The following NKAIN2 variants were observed in gnomAD, a reference collection of about 807,000 sequenced individuals.
NKAIN2 encodes the protein sodium/potassium transporting ATPase interacting 2.
A neutral mutation model predicts 32.6 loss-of-function variants in NKAIN2; 14 were observed. The ratio of observed to expected loss-of-function variants is 0.43; its 90% CI spans 0.28 to 0.67. The LOEUF is 0.67. Ranked by LOEUF, NKAIN2 falls within the 30% of genes least tolerant of loss-of-function variation. NKAIN2 has a pLI of 0.17. For synonymous variants in NKAIN2, 80 were observed against 87.2 expected, an observed-to-expected ratio of 0.92 and a Z score of 0.46; for missense variants, 198 against 258.3, an observed-to-expected ratio of 0.77 and a Z score of 1.60.
intron 1 of NKAIN2, among the ~76,000 whole-genome samples, chr6:124,280,334 A>G (rs796435882): frequency 1.8e-4 from 28 of 152,334 alleles, no homozygotes; most frequent in African/African-American, 6.3e-4. Context: ...GAAGTAGCAT[A>G]TATTATATAA....
intron 1 of NKAIN2, among the ~76,000 whole-genome samples, chr6:123,883,619 C>G (rs1474794147): frequency 1.3e-5 from 2 of 150,002 alleles, no homozygotes; most frequent in Admixed American, 6.7e-5. Context: ...TTCAGAACCA[C>G]TAGCCAATTA....
intron 1 of NKAIN2, among the ~76,000 whole-genome samples, chr6:124,244,972 G>A (rs1441446438): frequency 6.6e-6 from 1 of 151,940 alleles, no homozygotes; most frequent in East Asian, 1.9e-4. Context: ...CCACAACTCA[G>A]CCACTTATAT....
intron 4 of NKAIN2, among the ~76,000 whole-genome samples, chr6:124,766,109 T>C (rs908104166): frequency 6.6e-6 from 1 of 152,212 alleles, no homozygotes; most frequent in African/African-American, 2.4e-5. Context: ...CTTTATTTTA[T>C]AAAACACACA....
At chr6:124,073,396 T>C (rs903322937) in intron 1 of NKAIN2, among the ~76,000 whole-genome samples, 2 of 152,248 alleles carry the variant, frequency 1.3e-5, no homozygotes, top group Non-Finnish European at 2.9e-5. Context: ...GAATGTCTTA[T>C]AACTTCTGAT....
At chr6:124,553,158 G>A (rs1473885195) in intron 3 of NKAIN2, among the ~76,000 whole-genome samples, 1 of 152,090 alleles carries the variant, frequency 6.6e-6, no homozygotes, top group Non-Finnish European at 1.5e-5. Flanking sequence ...ATATTTTTAT[G>A]TTTAGCAATG....
chr6:124,525,977 G>A (rs1295518057), intron 3 of NKAIN2, among the ~76,000 whole-genome samples: 5 of 152,126 alleles, frequency 3.3e-5, no homozygotes, highest in African/African-American at 7.2e-5. Context: ...TGTTTACAGC[G>A]TGCAGAGATA....
At chr6:124,605,704 C>T (rs1245881888) in intron 3 of NKAIN2, among the ~76,000 whole-genome samples, 1 of 151,950 alleles carries the variant, frequency 6.6e-6, no homozygotes, top group Non-Finnish European at 1.5e-5. Flanking sequence ...CAGAATTTCC[C>T]ATCGTAGATG....
intron 1 of NKAIN2, among the ~76,000 whole-genome samples, chr6:123,895,436 C>T (rs536157719): frequency 1.3e-5 from 2 of 152,040 alleles, no homozygotes; most frequent in East Asian, 3.9e-4. Context: ...TTGTTTTTTC[C>T]CTTGATATAT....
At chr6:124,738,175 T>C (rs1030632329) in intron 4 of NKAIN2, among the ~76,000 whole-genome samples, 1 of 151,880 alleles carries the variant, frequency 6.6e-6, no homozygotes, top group African/African-American at 2.4e-5. Flanking sequence ...AAAGTAACAA[T>C]AATATTACCT....
intron 1 of NKAIN2, among the ~76,000 whole-genome samples, chr6:123,857,389 A>G (rs1041097220): frequency 6.6e-6 from 1 of 152,138 alleles, no homozygotes; most frequent in African/African-American, 2.4e-5. Context: ...AGTTGTAATT[A>G]TGGAATTAAA....
At chr6:124,096,892 GT>G (rs1784668977) in intron 1 of NKAIN2, among the ~76,000 whole-genome samples, 1 of 150,342 alleles carries the variant, frequency 6.7e-6, no homozygotes, top group South Asian at 2.1e-4. Flanking sequence ...TCTGTTATGT[GT>G]TTTCTTCATT....
intron 3 of NKAIN2, among the ~76,000 whole-genome samples, chr6:124,535,687 T>G (rs1779686208): frequency 6.6e-6 from 1 of 152,194 alleles, no homozygotes; most frequent in Non-Finnish European, 1.5e-5. Flanking sequence ...AAAAGTACAA[T>G]GATAGCACCA....
chr6:124,229,449 A>G (rs1046735461), intron 1 of NKAIN2, among the ~76,000 whole-genome samples: 2 of 152,074 alleles, frequency 1.3e-5, no homozygotes, highest in South Asian at 2.1e-4. Flanking sequence ...TTCTGGTAAT[A>G]TATTATGTTC....
At chr6:124,744,961 A>G (rs1218327004) in intron 4 of NKAIN2, among the ~76,000 whole-genome samples, 1 of 151,852 alleles carries the variant, frequency 6.6e-6, no homozygotes, top group African/African-American at 2.4e-5. Context: ...GTAAAGGGCA[A>G]ATGTCTCACA....
intron 1 of NKAIN2, among the ~76,000 whole-genome samples, chr6:123,985,316 C>T (rs565555168): frequency 1.3e-5 from 2 of 152,216 alleles, no homozygotes; most frequent in South Asian, 4.2e-4. Flanking sequence ...AGGAGAATTG[C>T]TTAAACCTGG....
intron 1 of NKAIN2, among the ~76,000 whole-genome samples, chr6:124,237,743 G>A (rs1416398429): frequency 6.6e-6 from 1 of 152,074 alleles, no homozygotes; most frequent in African/African-American, 2.4e-5. Context: ...AAGCATTATG[G>A]TCCTTGATGT....
At chr6:123,946,738 TC>T (rs1259483337) in intron 1 of NKAIN2, among the ~76,000 whole-genome samples, 3 of 152,184 alleles carry the variant, frequency 2.0e-5, no homozygotes, top group Non-Finnish European at 4.4e-5. Flanking sequence ...GGGTTGATTT[TC>T]CTTCTTTCCC....
intron 3 of NKAIN2, among the ~76,000 whole-genome samples, chr6:124,480,871 G>T (rs1261703604): frequency 6.6e-6 from 1 of 151,972 alleles, no homozygotes; most frequent in African/African-American, 2.4e-5. Context: ...TAAGAATGAC[G>T]CTTTACATTC....
intron 2 of NKAIN2, among the ~76,000 whole-genome samples, chr6:124,307,336 A>G (rs1309785466): frequency 6.6e-6 from 1 of 152,198 alleles, no homozygotes; most frequent in Non-Finnish European, 1.5e-5. Context: ...GGGTCAGGAT[A>G]TGTAATTAAT....
Sources: allele counts gnomAD v4.1 joint callset (sites outside exome capture counted in the v4.1 genomes callset), GRCh38; gene constraint gnomAD v4.1.1; transcripts MANE v1.5; gene names NCBI Gene and HGNC (gene_info 2026-07-23, HGNC 2026-07-21).